The following VEGFC variants were observed in gnomAD, a reference collection of about 807,000 sequenced individuals.
The protein encoded by VEGFC is FLT4 ligand DHM.
A neutral mutation model predicts 46.1 loss-of-function variants in VEGFC; 12 were observed. The ratio of observed to expected loss-of-function variants is 0.26; its 90% CI spans 0.17 to 0.42. The LOEUF is 0.42. Among genes scored for constraint, VEGFC ranks in the 10% least tolerant of loss-of-function variants. VEGFC has a pLI of 1.00. For synonymous variants in VEGFC, 232 were observed against 195.5 expected (o/e 1.19, Z -1.56); for missense variants, 488 against 529.4 (o/e 0.92, Z 0.77).
chr4:176,729,742 T>A lies in VEGFC; in HGVS notation c.152A>T (p.Tyr51Phe). The A allele has an allele frequency of 6.3e-7, 1 of 1,574,956 alleles. No homozygotes were observed. The highest frequency in any genetic ancestry group is 1.2e-5 in the South Asian group (1 of 85,198). Residue 51 changes from tyrosine to phenylalanine, a missense_variant, in exon 2 of 7, where the codon TAT (tyrosine) becomes TTT (phenylalanine). By Grantham distance (22) the Tyr-to-Phe change is conservative. Coordinates refer to ENST00000618562, the MANE Select transcript of VEGFC (RefSeq NM_005429.5). ...AEPDAGEATA[Y>F]ASKDLEEQLR... ...CTGCTCCTCCAGATCTTTGCTTGCA[T>A]AAGCCTGTCAAAGAAAAATGCAAGA...
Position 176,784,685 on chromosome 4 carries a change from G to A in VEGFC, c.147+7480C>T, listed in dbSNP as rs544876561. On this transcript the variant is annotated intron_variant, in intron 1 of 6. Coordinates refer to ENST00000618562, the MANE Select transcript of VEGFC (RefSeq NM_005429.5). ...GGAGAATGGCGTGAACCTGGGAGGC[G>A]GAGCTTGCAGTGAGCTGAGATAGCA... is the stretch of plus-strand genomic sequence containing the variant. 1.2e-4 allele frequency among the ~76,000 whole-genome samples: 18 copies of A among 145,684 alleles called. 1 individual carries two copies. In the South Asian group the frequency reaches 3.1e-3, roughly 25 times the overall value.
intron 1 of VEGFC, among the ~76,000 whole-genome samples, chr4:176,765,318 C>G (rs1735600022): frequency 6.6e-6 from 1 of 150,582 alleles, no homozygotes; most frequent in African/African-American, 2.4e-5. Flanking sequence ...GGAAAAGTGA[C>G]ATAGAGATAT....
At chr4:176,701,120 G>A (rs1405696997) in intron 4 of VEGFC, among the ~76,000 whole-genome samples, 1 of 152,162 alleles carries the variant, frequency 6.6e-6, no homozygotes, top group African/African-American at 2.4e-5. Context: ...ACGATCACAT[G>A]TCAGTATCGG....
intron 1 of VEGFC, among the ~76,000 whole-genome samples, chr4:176,772,958 A>T (rs1485969596): frequency 6.6e-6 from 1 of 152,208 alleles, no homozygotes; most frequent in Non-Finnish European, 1.5e-5. Flanking sequence ...CCCAAAGTAC[A>T]TTCATTCTCC....
Position 176,759,892 on chromosome 4 carries a change from A to C in VEGFC, c.148-30146T>G, listed in dbSNP as rs28608152. Among the ~76,000 whole-genome samples the C allele has an allele frequency of 3.2e-3, 490 of 152,192 alleles. 3 individuals are homozygous for C. Among genetic ancestry groups the C allele is most frequent in the African/African-American group, 0.011 (466 of 41,576 alleles). On this transcript the variant is annotated intron_variant, in intron 1 of 6. Coordinates refer to ENST00000618562, the MANE Select transcript of VEGFC (RefSeq NM_005429.5). ...GGGACTGTTTGAATAAAATATATTAAAATATTTTTAAAAATTTAAAATGTT... is the reference window on the plus strand; with the variant it reads ...GGGACTGTTTGAATAAAATATATTACAATATTTTTAAAAATTTAAAATGTT...
intron 1 of VEGFC, among the ~76,000 whole-genome samples, chr4:176,769,952 C>T (rs1560961434): frequency 1.3e-5 from 2 of 152,240 alleles, no homozygotes; most frequent in East Asian, 3.9e-4. Context: ...ATCTGGGTCC[C>T]TGAACTCCCT....
At chr4:176,684,417 G>A (rs781188975) in intron 6 of VEGFC, among the ~76,000 whole-genome samples, 1 of 152,132 alleles carries the variant, frequency 6.6e-6, no homozygotes, top group Non-Finnish European at 1.5e-5. Context: ...CATGAGTCTG[G>A]GACTTGTATG....
chr4:176,736,506 A>G (rs985841320), intron 1 of VEGFC, among the ~76,000 whole-genome samples: 4 of 151,678 alleles, frequency 2.6e-5, no homozygotes, highest in African/African-American at 9.7e-5. Context: ...CCTGCCTTGT[A>G]ATTTCTTGTG....
intron 1 of VEGFC, among the ~76,000 whole-genome samples, chr4:176,774,976 G>C (rs1027047178): frequency 5.9e-5 from 9 of 152,206 alleles, no homozygotes; most frequent in Non-Finnish European, 1.2e-4. Flanking sequence ...CGATTGATCA[G>C]ATGTGAACAC....
At chr4:176,744,019 A>G (rs1735221121) in intron 1 of VEGFC, among the ~76,000 whole-genome samples, 1 of 152,060 alleles carries the variant, frequency 6.6e-6, no homozygotes, top group African/African-American at 2.4e-5. Context: ...ATTTTTAAAG[A>G]TTAGCTATCC....
At chr4:176,694,408 T>A (rs1220021426) in intron 4 of VEGFC, among the ~76,000 whole-genome samples, 1 of 152,064 alleles carries the variant, frequency 6.6e-6, no homozygotes, top group Non-Finnish European at 1.5e-5. Flanking sequence ...CGTAAAGGGA[T>A]CAATTCAACA....
chr4:176,784,081 T>TTTTG, intron 1 of VEGFC, among the ~76,000 whole-genome samples: 1 of 150,592 alleles, frequency 6.6e-6, no homozygotes. Flanking sequence ...TTTTTTTTTT[T>TTTTG]TGAAACAGAG....
At chr4:176,689,353 C>T (rs1734106433) in intron 4 of VEGFC, 1 of 152,158 alleles carries the variant, frequency 6.6e-6, no homozygotes, top group Non-Finnish European at 1.5e-5. Flanking sequence ...CTTACAGCAT[C>T]ACATAGAGGA....
intron 3 of VEGFC, among the ~76,000 whole-genome samples, chr4:176,722,917 C>T (rs972699799): frequency 6.6e-6 from 1 of 152,182 alleles, no homozygotes; most frequent in Non-Finnish European, 1.5e-5. Context: ...CCAATACCCA[C>T]TGGGTGAATG....
chr4:176,687,211 T>C lies in VEGFC; in HGVS notation c.1121A>G (p.Lys374Arg), dbSNP rs777502654. 6.2e-7 allele frequency: 1 copy of C among 1,612,670 alleles called. No homozygotes were observed. The highest frequency in any genetic ancestry group is 1.1e-5 in the South Asian group (1 of 90,948). The change falls in exon 6 of 7, where the codon AAG (lysine) becomes AGG (arginine). Residue 374 changes from lysine (K) to arginine (R), a missense_variant. Lys to Arg is a conservative substitution (Grantham distance 26). Transcript: ENST00000618562. Reference sequence around the variant, plus strand: ...CCTGCATGTTTGGTGGTGGAACTTCTTTCCTTTTAACAAGCATTTCTGTGG... The same window carrying C: ...CCTGCATGTTTGGTGGTGGAACTTCCTTCCTTTTAACAAGCATTTCTGTGG... ...ESPQKCLLKG[K>R]KFHHQTCSCY...
chr4:176,782,346 C>A (rs1311002079), intron 1 of VEGFC, among the ~76,000 whole-genome samples: 1 of 151,896 alleles, frequency 6.6e-6, no homozygotes, highest in Non-Finnish European at 1.5e-5. Flanking sequence ...TGCCTGTGAT[C>A]CCAGCTACTT....
In VEGFC at chr4:176,683,910, G is replaced by A. The variant is rs202123199; in HGVS notation, c.*16C>T. ...TTCCATAATAGAAAATCGATGAACT[G>A]GAAAACAGTACAATCTTAGCTCATT... On this transcript the variant is annotated 3_prime_UTR_variant, in exon 7 of 7. Coordinates refer to ENST00000618562, the MANE Select transcript of VEGFC (RefSeq NM_005429.5). 3.6e-4 allele frequency: 571 copies of A among 1,597,142 alleles called. 2 individuals carry two copies. The highest frequency in any genetic ancestry group is 3.1e-4 in the South Asian group (28 of 90,734).
intron 1 of VEGFC, among the ~76,000 whole-genome samples, chr4:176,778,848 C>T (rs922232624): frequency 3.3e-5 from 5 of 152,004 alleles, no homozygotes; most frequent in Non-Finnish European, 5.9e-5. Context: ...CTCATAAACT[C>T]GAGATATTCC....
At chr4:176,739,792 C>G (rs1230293747) in intron 1 of VEGFC, among the ~76,000 whole-genome samples, 1 of 151,084 alleles carries the variant, frequency 6.6e-6, no homozygotes, top group African/African-American at 2.4e-5. Context: ...GAATAAGATG[C>G]TAGACCTCGG....
Sources: gnomAD v4.1 joint callset for allele counts (sites outside exome capture counted in the v4.1 genomes callset) on GRCh38, gnomAD v4.1.1 for gene constraint, MANE v1.5 for transcripts, NCBI Gene and HGNC (gene_info 2026-07-23, HGNC 2026-07-21) for gene names.